Variants in ATP1A4 observed in about 807,000 individuals in gnomAD.
The protein encoded by ATP1A4 is sodium/potassium-transporting ATPase subunit alpha-4.
In ATP1A4, 90 loss-of-function variants were observed where a neutral mutation model predicts 114.3. The observed-to-expected ratio is 0.79, with a 90% CI of 0.66 to 0.94. The LOEUF is 0.94. Ranked by LOEUF, ATP1A4 falls within the 40% of genes least tolerant of loss-of-function variation. The probability of loss-of-function intolerance (pLI) is 0.00; values close to 1 mark genes in which losing one functional copy is unlikely to be tolerated. For synonymous variants in ATP1A4, 511 were observed against 494.1 expected (o/e 1.03, Z -0.45); for missense variants, 1,222 against 1,313.6 (o/e 0.93, Z 1.08).
chr1:160,171,171 T>A (rs1653240942), intron 10 of ATP1A4, 80 bp from the exon 11 acceptor site: 3 of 1,355,626 alleles, frequency 2.2e-6, no homozygotes, highest in Non-Finnish European at 3.0e-6. Flanking sequence ...TTTTTTTACC[T>A]TTGAAACCTT....
intron 12 of ATP1A4, among the ~76,000 whole-genome samples, chr1:160,172,720 G>C (rs1238171971): frequency 1.3e-5 from 2 of 152,176 alleles, no homozygotes; most frequent in Non-Finnish European, 2.9e-5. Flanking sequence ...TATTTAAGGA[G>C]AACTAGGTGT....
intron 18 of ATP1A4, among the ~76,000 whole-genome samples, chr1:160,180,694 CTTTTTTTTTTTTTTTTTTTTTTTTTTTTT>C (rs536915261): frequency 1.5e-5 from 1 of 68,408 alleles, no homozygotes; most frequent in South Asian, 6.1e-4. Context: ...GCCTTCTTCC[CTTTTTTTTTTTTTTTTTTTTTTTTTTTTT>C]TTTTTTTTTG....
intron 2 of ATP1A4, 61 bp downstream of exon 2, chr1:160,153,285 G>A (rs1380097678): frequency 2.0e-6 from 3 of 1,471,370 alleles, no homozygotes; most frequent in Non-Finnish European, 2.8e-6. Context: ...AGGCTGCCAG[G>A]ACAAAAGCTG....
intron 17 of ATP1A4, among the ~76,000 whole-genome samples, chr1:160,176,808 C>T (rs1653481515): frequency 1.3e-5 from 2 of 152,232 alleles, no homozygotes; most frequent in African/African-American, 2.4e-5. Context: ...AAAATGATAG[C>T]ATCTCCAAGT....
At chr1:160,171,498 G>C (rs1653258256) in intron 11 of ATP1A4, 58 bp downstream of exon 11, 27 of 1,601,572 alleles carry the variant, frequency 1.7e-5, no homozygotes, top group Non-Finnish European at 2.3e-5. Flanking sequence ...TATTATCCCT[G>C]GGGTGAGAAA....
chr1:160,167,157 T>C, intron 9 of ATP1A4, 80 bp downstream of exon 9: 1 of 1,567,494 alleles, frequency 6.4e-7, no homozygotes, highest in Non-Finnish European at 8.8e-7. Context: ...CTCCTGGAGC[T>C]CAGTAATTTC....
chr1:160,166,583 A>G lies in ATP1A4; in HGVS notation c.1103A>G (p.Asn368Ser). The change falls in exon 8 of 22, where the codon AAC (asparagine) becomes AGC (serine). Residue 368 changes from asparagine to serine, a missense_variant. By Grantham distance (46) the Asn-to-Ser change is conservative. Coordinates refer to ENST00000368081, the MANE Select transcript of ATP1A4 (RefSeq NM_144699.4). ...RMARKNCLVK[N>S]LEAVETLGST... ...GCGCGGAAGAACTGCCTGGTGAAGA[A>G]CCTGGAGGCGGTGGAGACGCTGGGC... 6.8e-6 allele frequency: 11 copies of G among 1,614,230 alleles called. No homozygotes were observed. Among genetic ancestry groups the G allele is most frequent in the Non-Finnish European group, 9.3e-6 (11 of 1,180,038 alleles).
chr1:160,153,301 G>A, intron 2 of ATP1A4, 77 bp downstream of exon 2: 5 of 1,334,756 alleles, frequency 3.7e-6, no homozygotes, highest in Non-Finnish European at 5.3e-6. Context: ...AGCTGAACTA[G>A]GAATCCAGCC....
At chr1:160,158,885 G>A (rs1652767842) in intron 4 of ATP1A4, 117 bp from the exon 5 acceptor site, 2 of 1,118,856 alleles carry the variant, frequency 1.8e-6, no homozygotes, top group Non-Finnish European at 2.5e-6. Flanking sequence ...GATGTGGTGG[G>A]TGACAGTAAG....
At chr1:160,164,634 G>A (rs891485081) in intron 7 of ATP1A4, among the ~76,000 whole-genome samples, 7 of 152,214 alleles carry the variant, frequency 4.6e-5, no homozygotes, top group Non-Finnish European at 8.8e-5. Flanking sequence ...GAGAGAGGAA[G>A]CAAGTTTCAA....
intron 4 of ATP1A4, among the ~76,000 whole-genome samples, chr1:160,157,662 G>A (rs1360888398): frequency 6.6e-6 from 1 of 152,132 alleles, no homozygotes; most frequent in Non-Finnish European, 1.5e-5. Context: ...AAGTTTTTAA[G>A]ATAAAAGATC....
intron 10 of ATP1A4, chr1:160,170,869 G>T (rs983651375): frequency 6.6e-5 from 11 of 165,526 alleles, no homozygotes; most frequent in African/African-American, 2.4e-4. Flanking sequence ...ACAGGCATGA[G>T]CCGCTACGCC....
At chr1:160,172,569 TC>T (rs1344203965) in intron 12 of ATP1A4, among the ~76,000 whole-genome samples, 1 of 152,212 alleles carries the variant, frequency 6.6e-6, no homozygotes, top group African/African-American at 2.4e-5. Flanking sequence ...TCTGAGGTGT[TC>T]TGTGTCCCAT....
At chr1:160,171,995 C>T (rs1189498415) in intron 12 of ATP1A4, among the ~76,000 whole-genome samples, 1 of 151,952 alleles carries the variant, frequency 6.6e-6, no homozygotes, top group Non-Finnish European at 1.5e-5. Flanking sequence ...ACACCCCAGA[C>T]CGATTTAATT....
chr1:160,176,579 T>C lies in ATP1A4; in HGVS notation c.2567T>C (p.Ile856Thr), dbSNP rs1249431699. The change falls in exon 17 of 22, where the codon ATT becomes ACT. Residue 856 changes from isoleucine to threonine, a missense_variant. Physicochemically the swap from Ile to Thr is moderately conservative, Grantham distance 89 (BLOSUM62 -1). Transcript: ENST00000368081. ...GATAATCTGGTGAACCACCGTCTCATTGGCATGGCCTATGGACAGATTGGT... is the reference window on the plus strand; with the variant it reads ...GATAATCTGGTGAACCACCGTCTCACTGGCATGGCCTATGGACAGATTGGT... ...KTDNLVNHRL[I>T]GMAYGQIGMI... 15 of 1,614,000 alleles carry C rather than the reference T, an allele frequency of 9.3e-6. No homozygotes were observed. Among genetic ancestry groups the C allele is most frequent in the Non-Finnish European group, 1.2e-5 (14 of 1,180,034 alleles).
rs1571008811 is a variant in ATP1A4, at chr1:160,155,026, C to T, written c.208-19C>T. The T allele has an allele frequency of 2.5e-6, 4 of 1,610,604 alleles. No homozygotes were observed. Among genetic ancestry groups the T allele is most frequent in the African/African-American group, 1.3e-5 (1 of 74,774 alleles). On this transcript the variant is annotated intron_variant, in intron 2 of 21. Coordinates refer to ENST00000368081, the MANE Select transcript of ATP1A4 (RefSeq NM_144699.4). Reference sequence around the variant, plus strand: ...TCTTTTCACAGCTCTCTATCCAACCCTATTTCTTCTCTGCACAGGGCCATA... The same window carrying T: ...TCTTTTCACAGCTCTCTATCCAACCTTATTTCTTCTCTGCACAGGGCCATA...
chr1:160,180,178 C>T (rs939071861), intron 18 of ATP1A4, among the ~76,000 whole-genome samples: 29 of 152,120 alleles, frequency 1.9e-4, no homozygotes, highest in Non-Finnish European at 4.1e-4. Flanking sequence ...ACGCGGGTAA[C>T]GGCAACTGAC....
intron 18 of ATP1A4, among the ~76,000 whole-genome samples, chr1:160,178,256 G>A (rs1019798246): frequency 6.6e-6 from 1 of 152,144 alleles, no homozygotes; most frequent in Non-Finnish European, 1.5e-5. Context: ...TCGGGAGGCT[G>A]AGTCAGGAGA....
In ATP1A4 at chr1:160,156,054, A is replaced by G; in HGVS notation, c.421A>G (p.Ser141Gly). 6.2e-7 allele frequency: 1 copy of G among 1,610,862 alleles called. No homozygotes were observed. Residue 141 changes from serine to glycine, a missense_variant, in exon 4 of 22, where the codon AGC becomes GGC. Physicochemically the swap from Ser to Gly is moderately conservative, Grantham distance 56 (BLOSUM62 0). Coordinates refer to ENST00000368081, the MANE Select transcript of ATP1A4 (RefSeq NM_144699.4). ...CTTTCCCCACCCTCAGCTCTACCTG[A>G]GCATCGTACTGTCCGTCGTGGTCAT... ...EEPTKDNLYLSIVLSVVVIVT... is the reference protein window; with the variant it reads ...EEPTKDNLYLGIVLSVVVIVT...
Sources: gnomAD v4.1 joint callset for allele counts (sites outside exome capture counted in the v4.1 genomes callset) on GRCh38, gnomAD v4.1.1 for gene constraint, MANE v1.5 for transcripts, NCBI Gene and HGNC (gene_info 2026-07-23, HGNC 2026-07-21) for gene names.